The following PAPPA2 variants were observed in gnomAD, a reference collection of about 807,000 sequenced individuals.
PAPPA2 encodes the protein pappalysin 2.
In PAPPA2, 86 loss-of-function variants were observed where a neutral mutation model predicts 176.4. The observed-to-expected ratio is 0.49, with a 90% CI of 0.41 to 0.58. The LOEUF is 0.58. Ranked by LOEUF, PAPPA2 falls within the 20% of genes least tolerant of loss-of-function variation. The pLI is 0.00. For synonymous variants in PAPPA2, 809 were observed against 852.2 expected (o/e 0.95, Z 0.88); for missense variants, 2,073 against 2,256.9 (o/e 0.92, Z 1.65).
chr1:176,604,261 G>C (rs1654489477), intron 3 of PAPPA2, among the ~76,000 whole-genome samples: 1 of 151,800 alleles, frequency 6.6e-6, no homozygotes, highest in South Asian at 2.1e-4. Flanking sequence ...TTTCTTTTTA[G>C]AATTTATCAC....
intron 12 of PAPPA2, among the ~76,000 whole-genome samples, chr1:176,732,085 C>T (rs1279887215): frequency 6.6e-6 from 1 of 152,090 alleles, no homozygotes; most frequent in African/African-American, 2.4e-5. Context: ...AGGAAACTGT[C>T]CAGATTTCAT....
intron 21 of PAPPA2, among the ~76,000 whole-genome samples, chr1:176,809,449 T>G (rs912526235): frequency 5.3e-5 from 8 of 152,194 alleles, no homozygotes; most frequent in African/African-American, 1.9e-4. Flanking sequence ...TGTTACACTA[T>G]TCCTTGGATT....
intron 1 of PAPPA2, among the ~76,000 whole-genome samples, chr1:176,473,645 A>G (rs926199514): frequency 6.6e-6 from 1 of 152,150 alleles, no homozygotes; most frequent in Non-Finnish European, 1.5e-5. Context: ...TTGTATTCCT[A>G]CCATCAGTGA....
chr1:176,708,723 G>C (rs1469140539), intron 10 of PAPPA2, among the ~76,000 whole-genome samples: 5 of 152,000 alleles, frequency 3.3e-5, no homozygotes, highest in Admixed American at 1.3e-4. Flanking sequence ...ACCACAGAAG[G>C]GTCTTAGAGG....
At chr1:176,834,257 G>A (rs1667185957) in intron 21 of PAPPA2, among the ~76,000 whole-genome samples, 1 of 152,144 alleles carries the variant, frequency 6.6e-6, no homozygotes, top group Admixed American at 6.5e-5. Context: ...CTGAGTCCAG[G>A]AAGCCAGATG....
intron 3 of PAPPA2, among the ~76,000 whole-genome samples, chr1:176,611,703 G>A (rs565651117): frequency 9.8e-5 from 15 of 152,292 alleles, no homozygotes; most frequent in Middle Eastern, 6.8e-3. Flanking sequence ...TTCTTGGGGA[G>A]CTATTAGAGC....
At chr1:176,481,396 G>C (rs889447757) in intron 1 of PAPPA2, among the ~76,000 whole-genome samples, 1 of 151,950 alleles carries the variant, frequency 6.6e-6, no homozygotes, top group Non-Finnish European at 1.5e-5. Context: ...GCAGCTTTGA[G>C]ACGGAATAGT....
intron 17 of PAPPA2, among the ~76,000 whole-genome samples, chr1:176,771,606 C>T (rs557610624): frequency 1.4e-4 from 21 of 152,180 alleles, no homozygotes; most frequent in East Asian, 5.8e-4. Context: ...TAAAAATATC[C>T]GCCAGTTAGG....
intron 9 of PAPPA2, 104 bp downstream of exon 9, chr1:176,702,839 A>G (rs1660724860): frequency 2.8e-6 from 4 of 1,428,832 alleles, no homozygotes; most frequent in Non-Finnish European, 3.8e-6. Context: ...TTCTCTAAAC[A>G]GAAGTTTCAG....
intron 1 of PAPPA2, among the ~76,000 whole-genome samples, chr1:176,511,908 T>C (rs896737978): frequency 3.9e-5 from 6 of 152,162 alleles, no homozygotes; most frequent in African/African-American, 1.2e-4. Flanking sequence ...TAGGTGATGA[T>C]TGGACTTTAT....
intron 14 of PAPPA2, among the ~76,000 whole-genome samples, chr1:176,756,790 C>T (rs191196560): frequency 1.3e-5 from 2 of 152,046 alleles, no homozygotes; most frequent in Admixed American, 6.6e-5. Flanking sequence ...ATACATGTGC[C>T]ATGTTGGTTT....
At chr1:176,522,150 A>C (rs1319544768) in intron 1 of PAPPA2, among the ~76,000 whole-genome samples, 1 of 152,218 alleles carries the variant, frequency 6.6e-6, no homozygotes, top group Non-Finnish European at 1.5e-5. Context: ...CACAGCATTT[A>C]AACATTCCTT....
At chr1:176,677,888 AG>A (rs1659386265) in intron 4 of PAPPA2, among the ~76,000 whole-genome samples, 1 of 152,214 alleles carries the variant, frequency 6.6e-6, no homozygotes, top group African/African-American at 2.4e-5. Flanking sequence ...TCTGCCCTTA[AG>A]GGGTGCACAG....
intron 12 of PAPPA2, among the ~76,000 whole-genome samples, chr1:176,735,341 A>C (rs1662348873): frequency 6.6e-6 from 1 of 152,136 alleles, no homozygotes; most frequent in South Asian, 2.1e-4. Context: ...ATGAAAAGGC[A>C]CAGAAGAAAA....
chr1:176,774,742 C>T (rs948490318), intron 17 of PAPPA2, among the ~76,000 whole-genome samples: 1 of 150,966 alleles, frequency 6.6e-6, no homozygotes, highest in Non-Finnish European at 1.5e-5. Context: ...AAATGAATGA[C>T]CAGCCTACCT....
At chr1:176,618,514 T>A (rs1655403899) in intron 3 of PAPPA2, among the ~76,000 whole-genome samples, 1 of 152,232 alleles carries the variant, frequency 6.6e-6, no homozygotes, top group African/African-American at 2.4e-5. Context: ...TTAATGAGCT[T>A]TTGCCAGTTT....
chr1:176,581,003 G>A (rs927437234), intron 2 of PAPPA2, among the ~76,000 whole-genome samples: 1 of 152,046 alleles, frequency 6.6e-6, no homozygotes, highest in African/African-American at 2.4e-5. Flanking sequence ...TTTGTTGCCT[G>A]TGCTGTTGAA....
chr1:176,658,792 A>T (rs1423588063), intron 3 of PAPPA2, among the ~76,000 whole-genome samples: 1 of 152,000 alleles, frequency 6.6e-6, no homozygotes, highest in East Asian at 1.9e-4. Context: ...GTTCTTCATT[A>T]CATAGGTCAT....
At chr1:176,651,463 C>T (rs1196279531) in intron 3 of PAPPA2, among the ~76,000 whole-genome samples, 2 of 151,562 alleles carry the variant, frequency 1.3e-5, no homozygotes, top group Non-Finnish European at 3.0e-5. Context: ...CCTTCCTGAT[C>T]TGTATAGTTT....
Sources: gnomAD v4.1 joint callset for allele counts (sites outside exome capture counted in the v4.1 genomes callset) on GRCh38, gnomAD v4.1.1 for gene constraint, MANE v1.5 for transcripts, NCBI Gene and HGNC (gene_info 2026-07-23, HGNC 2026-07-21) for gene names.